Variants in TAB2 observed in about 807,000 individuals in gnomAD.
TAB2 encodes the protein TGF-beta activated kinase 1 (MAP3K7) binding protein 2.
In TAB2, 3 loss-of-function variants were observed where a neutral mutation model predicts 65.0. The observed-to-expected ratio is 0.05, with a 90% CI of 0.02 to 0.12. The LOEUF is 0.12. Among genes scored for constraint, TAB2 ranks in the 10% least tolerant of loss-of-function variants. The pLI is 1.00. For synonymous variants in TAB2, 298 were observed against 285.1 expected (o/e 1.05, Z -0.46); for missense variants, 623 against 840.3 (o/e 0.74, Z 3.20).
chr6:149,408,443 A>G (rs1272579497), intron 6 of TAB2, among the ~76,000 whole-genome samples: 2 of 152,220 alleles, frequency 1.3e-5, no homozygotes, highest in African/African-American at 2.4e-5. Flanking sequence ...AAAGTACCAA[A>G]TATCACTTAA....
At chr6:149,246,662 A>T (rs1777724124) in intron 1 of TAB2, 1 of 152,194 alleles carries the variant, frequency 6.6e-6, no homozygotes. Flanking sequence ...CAGATTCAGA[A>T]GAGCTGGGCG....
At chr6:149,329,146 A>G (rs1779708997) in intron 1 of TAB2, among the ~76,000 whole-genome samples, 1 of 152,224 alleles carries the variant, frequency 6.6e-6, no homozygotes, top group Non-Finnish European at 1.5e-5. Flanking sequence ...CATCCTTCAA[A>G]TGGATGGAAG....
At chr6:149,226,404 C>T (rs1230049203) in intron 1 of TAB2, among the ~76,000 whole-genome samples, 1 of 152,180 alleles carries the variant, frequency 6.6e-6, no homozygotes, top group Non-Finnish European at 1.5e-5. Flanking sequence ...GCATAAAAAC[C>T]ATTAACTGGC....
chr6:149,218,557 A>T, upstream of TAB2: 1 of 196,114 alleles, frequency 5.1e-6, no homozygotes, highest in South Asian at 8.9e-5. Flanking sequence ...CTGTCCTCTT[A>T]GAAGCAAGCC....
chr6:149,249,062 C>T (rs546354396), intron 1 of TAB2, among the ~76,000 whole-genome samples: 73 of 152,056 alleles, frequency 4.8e-4, no homozygotes, highest in African/African-American at 1.7e-3. Flanking sequence ...CTTGGCTCAT[C>T]TAGTTTCAAA....
chr6:149,374,127 T>G (rs1415361839), intron 2 of TAB2, among the ~76,000 whole-genome samples: 1 of 152,214 alleles, frequency 6.6e-6, no homozygotes, highest in African/African-American at 2.4e-5. Flanking sequence ...GAAAAGAATT[T>G]TTTTATCCTG....
chr6:149,319,178 G>A (rs568764609), intron 1 of TAB2, among the ~76,000 whole-genome samples: 5 of 152,200 alleles, frequency 3.3e-5, no homozygotes, highest in Non-Finnish European at 7.3e-5. Context: ...TACTCTAAAG[G>A]TTATGATGAT....
chr6:149,241,225 A>G (rs1416083611), intron 1 of TAB2, among the ~76,000 whole-genome samples: 2 of 152,126 alleles, frequency 1.3e-5, no homozygotes, highest in Non-Finnish European at 2.9e-5. Flanking sequence ...CACCCAGTCT[A>G]TGGTATTTTG....
intron 1 of TAB2, among the ~76,000 whole-genome samples, chr6:149,231,773 C>T (rs568847373): frequency 6.6e-6 from 1 of 152,170 alleles, no homozygotes; most frequent in African/African-American, 2.4e-5. Context: ...TAGACCGTAT[C>T]TCTGGTCCTC....
chr6:149,400,343 CCG>C, intron 6 of TAB2: 1 of 1,588,706 alleles, frequency 6.3e-7, no homozygotes, highest in African/African-American at 1.3e-5. Context: ...AGGTGCGGAC[CCG>C]CCACCTCTTT....
At position 149,379,152 on chromosome 6, in the gene TAB2, T is replaced by C; in HGVS notation, c.1237T>C (p.Ser413Pro). 6.2e-7 allele frequency: 1 copy of C among 1,614,138 alleles called. No individual in the cohort carries two copies. ...GCCCACACTCTTCATATCCACAAAC[T>C]CTGGAGCATCTGCTGCCTCCAGGAA... The part of the protein sequence containing the change: ...NQPTLFISTN[S>P]GASAASRNMS... The change falls in exon 3 of 7, where the codon TCT becomes CCT. Residue 413 changes from serine (S) to proline (P), a missense_variant. Coordinates refer to ENST00000637181, the MANE Select transcript of TAB2 (RefSeq NM_001292034.3).
At chr6:149,332,763 A>G (rs1186801679) in intron 1 of TAB2, among the ~76,000 whole-genome samples, 1 of 152,212 alleles carries the variant, frequency 6.6e-6, no homozygotes, top group Non-Finnish European at 1.5e-5. Flanking sequence ...GCTGGCAAGG[A>G]GAGGCTTAGA....
intron 1 of TAB2, among the ~76,000 whole-genome samples, chr6:149,225,684 C>G (rs529231299): frequency 6.6e-6 from 1 of 152,112 alleles, no homozygotes; most frequent in East Asian, 1.9e-4. Flanking sequence ...AATTTTTAAA[C>G]TGGACAGATT....
chr6:149,353,200 C>T (rs1254332034), intron 1 of TAB2, among the ~76,000 whole-genome samples: 10 of 152,132 alleles, frequency 6.6e-5, no homozygotes, highest in Non-Finnish European at 1.3e-4. Flanking sequence ...ACCTCCCCAA[C>T]TTTGGACTCT....
At chr6:149,299,836 C>G (rs1778939960) in intron 1 of TAB2, among the ~76,000 whole-genome samples, 1 of 133,872 alleles carries the variant, frequency 7.5e-6, no homozygotes, top group Non-Finnish European at 1.5e-5. Flanking sequence ...TAGCACAGTT[C>G]TACAATTTTT....
At chr6:149,223,814 G>C (rs1301164554) in intron 1 of TAB2, among the ~76,000 whole-genome samples, 2 of 151,858 alleles carry the variant, frequency 1.3e-5, no homozygotes, top group African/African-American at 2.4e-5. Context: ...AACCTTCAAA[G>C]CCATATTTTA....
intron 1 of TAB2, among the ~76,000 whole-genome samples, chr6:149,349,659 TTC>T (rs1780426568): frequency 1.3e-5 from 2 of 152,176 alleles, no homozygotes; most frequent in South Asian, 4.1e-4. Flanking sequence ...GTTCAAATTG[TTC>T]TCTCATATCA....
At chr6:149,374,375 A>G (rs181092748) in intron 2 of TAB2, among the ~76,000 whole-genome samples, 21 of 152,132 alleles carry the variant, frequency 1.4e-4, no homozygotes, top group Admixed American at 1.0e-3. Flanking sequence ...GTCCTACTCT[A>G]CCTGGCTAAT....
At chr6:149,278,749 G>A (rs1778521350) in intron 1 of TAB2, among the ~76,000 whole-genome samples, 1 of 152,066 alleles carries the variant, frequency 6.6e-6, no homozygotes. Context: ...GGAAGGAAGG[G>A]TGAAAGGAAA....
Sources: gnomAD v4.1 joint callset for allele counts (sites outside exome capture counted in the v4.1 genomes callset) on GRCh38, gnomAD v4.1.1 for gene constraint, MANE v1.5 for transcripts, NCBI Gene and HGNC (gene_info 2026-07-23, HGNC 2026-07-21) for gene names.